The following TMEM143 variants were observed in gnomAD, a reference collection of about 807,000 sequenced individuals.
TMEM143 encodes the protein transmembrane protein 143.
TMEM143 carries 45 observed loss-of-function variants against 40.3 expected under a neutral mutation model. The ratio of observed to expected loss-of-function variants is 1.12; its 90% CI spans 0.88 to 1.43. The LOEUF is 1.43. Among genes scored for constraint, TMEM143 ranks in the 40% most tolerant of loss-of-function variants. The pLI is 0.00. For synonymous variants in TMEM143, 299 were observed against 282.7 expected (o/e 1.06, Z -0.58); for missense variants, 620 against 613.4 (o/e 1.01, Z -0.11).
chr19:48,342,505 G>A (rs2147363972), intron 6 of TMEM143, 25 bp downstream of exon 6: 1 of 1,583,102 alleles, frequency 6.3e-7, no homozygotes. Flanking sequence ...CAGGGCCGCA[G>A]GAGGCGTGGC....
chr19:48,343,176 G>T, intron 5 of TMEM143, 145 bp downstream of exon 5: 1 of 1,051,788 alleles, frequency 9.5e-7, no homozygotes, highest in Non-Finnish European at 1.3e-6. Context: ...GAGAAGAAAA[G>T]ACAGCATTTG....
In TMEM143 at chr19:48,361,985, T is replaced by G. The variant is rs144133776; in HGVS notation, c.264+1306A>C. Among the ~76,000 whole-genome samples, 85 of 151,818 alleles carry G rather than the reference T, an allele frequency of 5.6e-4. No individual in the cohort carries two copies. In the East Asian group the frequency reaches 0.016, roughly 28 times the overall value. ...ATTACACATGTCCTATATACACATG[T>G]GTTTACATATATGTGCATATATTTG... On this transcript the variant is annotated intron_variant, in intron 2 of 7. Coordinates refer to ENST00000293261, the MANE Select transcript of TMEM143 (RefSeq NM_018273.4).
chr19:48,334,489 T>G, intron 6 of TMEM143, among the ~76,000 whole-genome samples: 1 of 145,560 alleles, frequency 6.9e-6, no homozygotes, highest in Non-Finnish European at 1.5e-5. Flanking sequence ...TTTTTCTTTC[T>G]TTCTTTCGTT....
At chr19:48,342,509 G>T (rs1378126428) in intron 6 of TMEM143, 21 bp downstream of exon 6, 2 of 1,586,092 alleles carry the variant, frequency 1.3e-6, no homozygotes, top group Admixed American at 3.6e-5. Flanking sequence ...GCCGCAGGAG[G>T]CGTGGCAGGC....
chr19:48,341,520 C>T (rs1316495258), intron 6 of TMEM143, among the ~76,000 whole-genome samples: 1 of 152,180 alleles, frequency 6.6e-6, no homozygotes, highest in Non-Finnish European at 1.5e-5. Context: ...TTGGAACAAA[C>T]AGCCCAATTA....
At chr19:48,337,955 C>A (rs1346725693) in intron 6 of TMEM143, among the ~76,000 whole-genome samples, 1 of 152,186 alleles carries the variant, frequency 6.6e-6, no homozygotes, top group Non-Finnish European at 1.5e-5. Context: ...GTTAAAGGAG[C>A]AGGTCACTCT....
intron 1 of TMEM143, 23 bp from the exon 2 acceptor site, chr19:48,363,554 G>C: frequency 6.3e-7 from 1 of 1,581,972 alleles, no homozygotes; most frequent in Non-Finnish European, 8.6e-7. Flanking sequence ...AAATGGGCAG[G>C]GGTCAAAGGC....
rs567449105 is a variant in TMEM143, at chr19:48,359,936, C to T, written c.369+136G>A. ...GAATGTTGGCTCCATGAGGGCGTCACTTCACCTGTCATGTTCACTATTGAA... is the reference window on the plus strand; with the variant it reads ...GAATGTTGGCTCCATGAGGGCGTCATTTCACCTGTCATGTTCACTATTGAA... On this transcript the variant is annotated intron_variant, in intron 3 of 7. Transcript: ENST00000293261. 2.0e-3 allele frequency: 1,555 copies of T among 792,938 alleles called. 1 individual carries two copies. Among genetic ancestry groups the T allele is most frequent in the Non-Finnish European group, 2.7e-3 (1,380 of 505,830 alleles). 49.1% of individuals were successfully genotyped at this position (792,938 alleles called of 1,614,324 possible). A position where few individuals can be genotyped will look rare whatever the true frequency, so the allele number is the denominator to read the frequency against.
chr19:48,353,956 C>T (rs951072522), intron 3 of TMEM143, among the ~76,000 whole-genome samples: 9 of 151,838 alleles, frequency 5.9e-5, no homozygotes, highest in Non-Finnish European at 1.2e-4. Context: ...TCTTTTAATA[C>T]ATTTCACTTC....
rs570513522 is a variant in TMEM143, at chr19:48,334,855, G to A, written c.976-658C>T. ...CTCCTCAGCCTCCCATAGTGCTGGGGTTACAGGCGTGACCCAAGGCACCGG... is the reference window on the plus strand; with the variant it reads ...CTCCTCAGCCTCCCATAGTGCTGGGATTACAGGCGTGACCCAAGGCACCGG... On this transcript the variant is annotated intron_variant, in intron 6 of 7. Coordinates refer to ENST00000293261, the MANE Select transcript of TMEM143 (RefSeq NM_018273.4). 2.4e-4 allele frequency among the ~76,000 whole-genome samples: 36 copies of A among 152,140 alleles called. 2 individuals are homozygous for A. The East Asian group carries it at 4.4e-3, about 19-fold the overall frequency.
At chr19:48,342,230 A>G (rs1158564546) in intron 6 of TMEM143, among the ~76,000 whole-genome samples, 14 of 128,996 alleles carry the variant, frequency 1.1e-4, no homozygotes, top group African/African-American at 4.2e-4. Context: ...AGGGAAGGGA[A>G]AGGGGAAAAG....
At chr19:48,354,048 T>C (rs1969830562) in intron 3 of TMEM143, among the ~76,000 whole-genome samples, 1 of 151,652 alleles carries the variant, frequency 6.6e-6, no homozygotes, top group Non-Finnish European at 1.5e-5. Context: ...AGCCTCCGCC[T>C]CCCGGGTTCA....
intron 3 of TMEM143, among the ~76,000 whole-genome samples, chr19:48,356,011 A>T (rs989400092): frequency 4.6e-5 from 7 of 152,212 alleles, no homozygotes; most frequent in African/African-American, 1.7e-4. Flanking sequence ...GTTGTCACAC[A>T]TCTTGCTGGG....
intron 6 of TMEM143, among the ~76,000 whole-genome samples, chr19:48,334,458 CTTTCTTTCTTTCTTTCTTTCTT>C (rs1569022442): frequency 2.0e-5 from 1 of 50,488 alleles, no homozygotes; most frequent in Admixed American, 2.2e-4. Flanking sequence ...TTCTTTCTTT[CTTTCTTTCTTTCTTTCTTTCTT>C]TTTCTTTCTT....
intron 3 of TMEM143, among the ~76,000 whole-genome samples, chr19:48,359,630 C>T (rs1423160447): frequency 6.6e-6 from 1 of 151,862 alleles, no homozygotes. Context: ...CCTCAGCCTC[C>T]CGAGTAGCTG....
chr19:48,344,708 A>C (rs1257196401), intron 4 of TMEM143, among the ~76,000 whole-genome samples: 1 of 149,800 alleles, frequency 6.7e-6, no homozygotes, highest in African/African-American at 2.5e-5. Flanking sequence ...AGACAGCAGC[A>C]CCTCCTTTTT....
chr19:48,344,518 G>A (rs1194528032), intron 4 of TMEM143, among the ~76,000 whole-genome samples: 2 of 151,976 alleles, frequency 1.3e-5, no homozygotes, highest in Non-Finnish European at 2.9e-5. Flanking sequence ...GGAACTCCTG[G>A]GCTCGAGCGA....
chr19:48,339,198 G>C (rs1179773487), intron 6 of TMEM143, among the ~76,000 whole-genome samples: 1 of 152,154 alleles, frequency 6.6e-6, no homozygotes, highest in East Asian at 1.9e-4. Context: ...GGGACAGGAA[G>C]GGTGGGCTGG....
chr19:48,361,761 T>G (rs1223467820), intron 2 of TMEM143, among the ~76,000 whole-genome samples: 1 of 148,092 alleles, frequency 6.8e-6, no homozygotes, highest in Non-Finnish European at 1.5e-5. Flanking sequence ...TCTCCTGACC[T>G]CGTGATCTGC....
Sources: allele counts gnomAD v4.1 joint callset (sites outside exome capture counted in the v4.1 genomes callset), GRCh38; gene constraint gnomAD v4.1.1; transcripts MANE v1.5; gene names NCBI Gene and HGNC (gene_info 2026-07-23, HGNC 2026-07-21).